Variants in ITSN2 observed in about 807,000 individuals in gnomAD.
The protein encoded by ITSN2 is intersectin 2.
Under a neutral mutation model 243.7 loss-of-function variants are expected in ITSN2, and 156 were observed. The observed-to-expected ratio is 0.64, with a 90% CI of 0.56 to 0.73. The LOEUF (loss-of-function observed/expected upper bound fraction) is 0.73, where lower values mean the gene tolerates loss of function less well. ITSN2 is among the 30% of genes least tolerant of loss of function. The pLI is 0.00. For synonymous variants in ITSN2, 703 were observed against 699.9 expected, an observed-to-expected ratio of 1.00 and a Z score of -0.07; for missense variants, 1,801 against 1,996.1, an observed-to-expected ratio of 0.90 and a Z score of 1.86.
intron 29 of ITSN2, among the ~76,000 whole-genome samples, chr2:24,244,651 C>G (rs1467054187): frequency 2.6e-5 from 4 of 152,170 alleles, no homozygotes; most frequent in Non-Finnish European, 2.9e-5. Context: ...AAACTGGTTT[C>G]TAATTAATCA....
intron 22 of ITSN2, 107 bp downstream of exon 22, chr2:24,260,999 C>T: frequency 1.1e-6 from 1 of 934,248 alleles, no homozygotes; most frequent in Non-Finnish European, 1.6e-6. Context: ...CTGAATGCTA[C>T]AAACTCTGGT....
At chr2:24,208,144 C>T in intron 37 of ITSN2, 93 bp downstream of exon 37, 1 of 1,094,832 alleles carries the variant, frequency 9.1e-7, no homozygotes. Context: ...TCTTTCAGAC[C>T]CGTCCCTATA....
rs1457279365 is a variant in ITSN2, at chr2:24,254,220, C to G, written c.2953+147G>C. On this transcript the variant is annotated intron_variant, in intron 24 of 39. Coordinates refer to ENST00000355123, the MANE Select transcript of ITSN2 (RefSeq NM_006277.3). ...AATATTCATGTGAAATAGATAGGGG[C>G]AGGTTTTCCTAATCTCACTTTAATA... 10 of 549,554 alleles carry G rather than the reference C, an allele frequency of 1.8e-5. No homozygotes were observed. In the African/African-American group the frequency reaches 1.9e-4, roughly 10 times the overall value. The allele number at this position is 549,554 out of a possible 1,614,324, so 34.0% of individuals were successfully genotyped here. A position where few individuals can be genotyped will look rare whatever the true frequency, so the allele number is the denominator to read the frequency against.
intron 9 of ITSN2, among the ~76,000 whole-genome samples, chr2:24,302,344 G>A (rs968048727): frequency 6.6e-5 from 10 of 151,914 alleles, no homozygotes; most frequent in African/African-American, 1.7e-4. Context: ...GACTACAGGC[G>A]CCCGCCACCA....
chr2:24,203,880 C>T (rs1668566630), intron 39 of ITSN2, 97 bp from the exon 40 acceptor site: 1 of 1,321,562 alleles, frequency 7.6e-7, no homozygotes, highest in African/African-American at 1.5e-5. Flanking sequence ...ACCTTCAAAT[C>T]TGAAACAAGG....
At chr2:24,319,257 G>T (rs984561722) in intron 2 of ITSN2, among the ~76,000 whole-genome samples, 20 of 152,152 alleles carry the variant, frequency 1.3e-4, no homozygotes, top group African/African-American at 4.6e-4. Flanking sequence ...AGAAACCCAG[G>T]TTTAATGGCA....
At chr2:24,291,814 G>T (rs1680296915) in intron 15 of ITSN2, among the ~76,000 whole-genome samples, 1 of 152,068 alleles carries the variant, frequency 6.6e-6, no homozygotes, top group Admixed American at 6.6e-5. Context: ...TCATAACAAT[G>T]TATATTACTA....
intron 29 of ITSN2, among the ~76,000 whole-genome samples, chr2:24,235,504 G>A (rs956333466): frequency 2.6e-5 from 4 of 152,122 alleles, no homozygotes; most frequent in Non-Finnish European, 5.9e-5. Flanking sequence ...CATGATGTAG[G>A]TGCATCAATT....
intron 29 of ITSN2, among the ~76,000 whole-genome samples, chr2:24,236,596 C>A (rs1672176529): frequency 6.6e-6 from 1 of 151,886 alleles, no homozygotes; most frequent in African/African-American, 2.4e-5. Context: ...GTCTTTGACT[C>A]CTTGACTCTT....
At chr2:24,255,394 C>T (rs1413845064) in intron 23 of ITSN2, among the ~76,000 whole-genome samples, 3 of 152,090 alleles carry the variant, frequency 2.0e-5, no homozygotes, top group Admixed American at 1.3e-4. Context: ...TTTGGGAGAC[C>T]GAGGCGGGCA....
At chr2:24,209,277 G>A (rs565050777) in intron 35 of ITSN2, 56 bp from the exon 36 acceptor site, 28 of 1,602,366 alleles carry the variant, frequency 1.7e-5, no homozygotes, top group South Asian at 1.1e-4. Context: ...CACTCCACCC[G>A]CCTATGTCCA....
chr2:24,333,284 C>A (rs1685989290), intron 1 of ITSN2, among the ~76,000 whole-genome samples: 1 of 152,176 alleles, frequency 6.6e-6, no homozygotes, highest in Non-Finnish European at 1.5e-5. Context: ...GAAAAACAAG[C>A]CAGAGATGAC....
intron 37 of ITSN2, among the ~76,000 whole-genome samples, chr2:24,207,337 G>C (rs147704137): frequency 2.0e-5 from 3 of 152,052 alleles, no homozygotes. Flanking sequence ...TGCCAGGGAG[G>C]GGCCTGGGTG....
At chr2:24,282,206 GACC>G (rs923922660) in intron 17 of ITSN2, among the ~76,000 whole-genome samples, 3 of 152,188 alleles carry the variant, frequency 2.0e-5, no homozygotes, top group African/African-American at 7.2e-5. Flanking sequence ...ACGTCATGAG[GACC>G]ACATCGGCAG....
intron 7 of ITSN2, 75 bp downstream of exon 7, chr2:24,310,209 C>G: frequency 1.0e-6 from 1 of 996,674 alleles, no homozygotes; most frequent in Non-Finnish European, 1.5e-6. Flanking sequence ...AAGCTCAAAG[C>G]TTTAAAAAAA....
chr2:24,311,692 C>G (rs1470071324), intron 5 of ITSN2: 1 of 167,082 alleles, frequency 6.0e-6, no homozygotes, highest in Admixed American at 6.5e-5. Flanking sequence ...AACATACCAA[C>G]CGGTTATCGC....
intron 1 of ITSN2, among the ~76,000 whole-genome samples, chr2:24,329,146 G>A (rs1685497441): frequency 6.6e-6 from 1 of 152,190 alleles, no homozygotes; most frequent in East Asian, 1.9e-4. Context: ...CTGCTATTTT[G>A]CAAACAACCA....
intron 29 of ITSN2, among the ~76,000 whole-genome samples, chr2:24,223,247 T>A (rs926673932): frequency 6.6e-6 from 1 of 152,214 alleles, no homozygotes; most frequent in African/African-American, 2.4e-5. Flanking sequence ...TGCATTTGTA[T>A]ACATTTTGTA....
chr2:24,347,378 G>A (rs915230980), intron 1 of ITSN2, among the ~76,000 whole-genome samples: 11 of 54,252 alleles, frequency 2.0e-4, no homozygotes, highest in Admixed American at 7.4e-4. Context: ...ATTATATAAT[G>A]TAATTAAAAA....
Sources: allele counts gnomAD v4.1 joint callset (sites outside exome capture counted in the v4.1 genomes callset), GRCh38; gene constraint gnomAD v4.1.1; transcripts MANE v1.5; gene names NCBI Gene and HGNC (gene_info 2026-07-23, HGNC 2026-07-21).